The following SPATA13 variants were observed in gnomAD, a reference collection of about 807,000 sequenced individuals.
The protein encoded by SPATA13 is spermatogenesis-associated protein 13.
SPATA13 carries 50 observed loss-of-function variants against 104.0 expected under a neutral mutation model. That is an observed-to-expected ratio of 0.48 (90% CI 0.38 to 0.61). The LOEUF (loss-of-function observed/expected upper bound fraction) is 0.61. Ranked by LOEUF, SPATA13 falls within the 20% of genes least tolerant of loss-of-function variation. SPATA13 has a pLI of 0.00. For synonymous variants in SPATA13, 606 were observed against 667.5 expected, an observed-to-expected ratio of 0.91 and a Z score of 1.42; for missense variants, 1,524 against 1,690.6, an observed-to-expected ratio of 0.90 and a Z score of 1.73.
chr13:24,053,187 C>T (rs1222982140), intron 3 of SPATA13, among the ~76,000 whole-genome samples: 5 of 152,042 alleles, frequency 3.3e-5, no homozygotes, highest in Non-Finnish European at 7.4e-5. Flanking sequence ...TGTGTACTTG[C>T]ATTTTATAAT....
intron 11 of SPATA13, 101 bp downstream of exon 11, chr13:24,297,836 A>G: frequency 7.2e-7 from 1 of 1,386,480 alleles, no homozygotes. Context: ...TCTCCCTCAG[A>G]GCTGAATCCC....
At chr13:24,062,430 A>G (rs550211716) in intron 3 of SPATA13, among the ~76,000 whole-genome samples, 2 of 152,178 alleles carry the variant, frequency 1.3e-5, no homozygotes, top group Admixed American at 6.5e-5. Context: ...TTCTTCTCCA[A>G]TGGCGCCAGG....
intron 3 of SPATA13, among the ~76,000 whole-genome samples, chr13:24,052,926 A>G (rs995126323): frequency 3.3e-5 from 4 of 120,192 alleles, no homozygotes; most frequent in Non-Finnish European, 7.1e-5. Flanking sequence ...TCCTGCAGGG[A>G]TATTTTGGGA....
At chr13:24,226,334 A>G (rs1871940670) in intron 2 of SPATA13, among the ~76,000 whole-genome samples, 1 of 152,182 alleles carries the variant, frequency 6.6e-6, no homozygotes, top group Non-Finnish European at 1.5e-5. Context: ...CTAGGAATGA[A>G]TTAGGAACAT....
chr13:24,193,824 C>T (rs1039514676), intron 1 of SPATA13, among the ~76,000 whole-genome samples: 3 of 152,148 alleles, frequency 2.0e-5, no homozygotes, highest in African/African-American at 7.2e-5. Context: ...ACATGTCAGA[C>T]GTTGTGCCAG....
At chr13:24,022,831 C>T (rs1449738893) in intron 3 of SPATA13, among the ~76,000 whole-genome samples, 1 of 152,090 alleles carries the variant, frequency 6.6e-6, no homozygotes, top group Non-Finnish European at 1.5e-5. Context: ...ATGTACAAGG[C>T]AGGCTCTTGT....
intron 3 of SPATA13, among the ~76,000 whole-genome samples, chr13:24,141,846 C>G (rs1376309522): frequency 6.6e-6 from 1 of 152,176 alleles, no homozygotes; most frequent in Non-Finnish European, 1.5e-5. Flanking sequence ...TGTGCTGTCT[C>G]AGAGCAGGCT....
At chr13:24,141,729 T>A (rs1267668250) in intron 3 of SPATA13, among the ~76,000 whole-genome samples, 2 of 152,242 alleles carry the variant, frequency 1.3e-5, no homozygotes, top group African/African-American at 4.8e-5. Flanking sequence ...CCATAAACAT[T>A]GCTGCTTTAT....
chr13:24,164,477 C>T (rs1453627105), intron 1 of SPATA13, among the ~76,000 whole-genome samples: 1 of 152,210 alleles, frequency 6.6e-6, no homozygotes, highest in Non-Finnish European at 1.5e-5. Context: ...TATGTGATGG[C>T]TTCATCACTC....
intron 2 of SPATA13, among the ~76,000 whole-genome samples, chr13:24,228,784 GA>G (rs1187503223): frequency 6.6e-6 from 1 of 152,130 alleles, no homozygotes; most frequent in Non-Finnish European, 1.5e-5. Context: ...TGTTGAATAT[GA>G]AAAGTTGTAA....
chr13:24,287,883 T>C (rs1226042930), intron 7 of SPATA13, among the ~76,000 whole-genome samples: 1 of 152,166 alleles, frequency 6.6e-6, no homozygotes, highest in Non-Finnish European at 1.5e-5. Context: ...TCATTACGGC[T>C]CTCCTAGCTG....
Position 24,203,576 on chromosome 13 carries a change from A to G in SPATA13, c.-111-19243A>G, listed in dbSNP as rs138645993. ...CTCTCTCTGTTATGTCTAGGTGGAC[A>G]CAGCAATGCAGTGCCTTGCAGTCAT... is the stretch of plus-strand genomic sequence containing the variant. On this transcript the variant is annotated intron_variant, in intron 1 of 12. Coordinates refer to ENST00000382108, the MANE Select transcript of SPATA13 (RefSeq NM_001166271.3). Among the ~76,000 whole-genome samples the G allele has an allele frequency of 3.9e-5, 6 of 152,316 alleles. No individual in the cohort carries two copies. The East Asian group carries it at 1.2e-3, about 29-fold the overall frequency.
At chr13:24,094,518 G>A (rs1165119923) in intron 3 of SPATA13, among the ~76,000 whole-genome samples, 3 of 152,168 alleles carry the variant, frequency 2.0e-5, no homozygotes, top group Non-Finnish European at 2.9e-5. Context: ...GCTAGGAGGT[G>A]GGTGCACAGA....
chr13:24,068,998 A>G (rs1380504142), intron 3 of SPATA13, among the ~76,000 whole-genome samples: 2 of 152,132 alleles, frequency 1.3e-5, no homozygotes, highest in Non-Finnish European at 2.9e-5. Context: ...TCTGTGCAGA[A>G]GCTGTTTTGG....
intron 3 of SPATA13, among the ~76,000 whole-genome samples, chr13:24,037,872 T>G (rs868729582): frequency 2.0e-4 from 31 of 152,136 alleles, no homozygotes; most frequent in African/African-American, 6.0e-4. Flanking sequence ...TCAGAAATTT[T>G]ACTCCTCCTT....
At chr13:24,177,682 A>G (rs1326043455) in intron 1 of SPATA13, among the ~76,000 whole-genome samples, 1 of 151,772 alleles carries the variant, frequency 6.6e-6, no homozygotes, top group Non-Finnish European at 1.5e-5. Context: ...CTGGTCTTGA[A>G]CTTAAGTGAT....
chr13:24,123,608 C>CAAAA, intron 3 of SPATA13: 2 of 1,607,072 alleles, frequency 1.2e-6, no homozygotes, highest in Middle Eastern at 1.8e-4. Flanking sequence ...AGGCTGTAAA[C>CAAAA]AAAAGTGTCT....
intron 1 of SPATA13, among the ~76,000 whole-genome samples, chr13:24,220,757 T>A (rs1871534801): frequency 6.6e-6 from 1 of 152,212 alleles, no homozygotes. Context: ...TAGCCTCCCT[T>A]GTCCCGGGTG....
At chr13:24,226,028 C>T (rs1020108186) in intron 2 of SPATA13, among the ~76,000 whole-genome samples, 1 of 152,204 alleles carries the variant, frequency 6.6e-6, no homozygotes, top group African/African-American at 2.4e-5. Context: ...TGTTGCTCCT[C>T]TCTGCAGGCA....
Sources: gnomAD v4.1 joint callset for allele counts (sites outside exome capture counted in the v4.1 genomes callset) on GRCh38, gnomAD v4.1.1 for gene constraint, MANE v1.5 for transcripts, NCBI Gene and HGNC (gene_info 2026-07-23, HGNC 2026-07-21) for gene names.